Variants in SMARCA4 observed in about 807,000 individuals in gnomAD.
SMARCA4 encodes the protein SWI/SNF related BAF chromatin remodeling complex subunit ATPase 4, also known as SWI/SNF-related matrix-associated actin-dependent regulator of chromatin subfamily A member 4.
In SMARCA4, 31 loss-of-function variants were observed where a neutral mutation model predicts 193.9. The observed-to-expected ratio is 0.16, with a 90% CI of 0.12 to 0.22. The LOEUF is 0.22. Ranked by LOEUF, SMARCA4 falls within the 10% of genes least tolerant of loss-of-function variation. The pLI, the probability that SMARCA4 is intolerant of heterozygous loss-of-function variation, is 1.00. For synonymous variants in SMARCA4, 942 were observed against 933.1 expected (o/e 1.01, Z -0.17); for missense variants, 1,148 against 2,296.0 (o/e 0.50, Z 10.22).
At chr19:11,028,538 C>G (rs2090420588) in intron 24 of SMARCA4, among the ~76,000 whole-genome samples, 1 of 152,236 alleles carries the variant, frequency 6.6e-6, no homozygotes, top group Non-Finnish European at 1.5e-5. Context: ...AGGCCTGGAC[C>G]TGGAATCAGA....
rs2083756450 is a variant in SMARCA4 at position 10,961,071 on chromosome 19, G to C, written c.-135G>C. The C allele has an allele frequency of 6.7e-6, 1 of 149,340 alleles. No homozygotes were observed. 9.3% of individuals were successfully genotyped at this position (149,340 alleles called of 1,614,324 possible). A position where few individuals can be genotyped will look rare whatever the true frequency, so the allele number is the denominator to read the frequency against. ...CTTCCCCTCGTTTGGCGGCGGCGGC[G>C]GCTTCTTTGTTTCGTGAAGAGAAGC... is the stretch of plus-strand genomic sequence containing the variant. On this transcript the variant is annotated 5_prime_UTR_variant, in exon 1 of 35. Transcript: ENST00000344626.
intron 32 of SMARCA4, 133 bp from the exon 33 acceptor site, chr19:11,059,620 C>A: frequency 9.9e-7 from 1 of 1,013,872 alleles, no homozygotes; most frequent in Non-Finnish European, 1.5e-6. Context: ...AGCCCCGACC[C>A]GCTGAGGCTC....
intron 30 of SMARCA4, among the ~76,000 whole-genome samples, chr19:11,050,418 G>A (rs1185929585): frequency 2.6e-5 from 4 of 152,240 alleles, no homozygotes; most frequent in Admixed American, 1.3e-4. Context: ...CTCCACGTCT[G>A]CAGCACAGGG....
In SMARCA4 at chr19:11,033,084, C is replaced by T. The variant is rs753591520; in HGVS notation, c.3547-206C>T. 1.2e-5 allele frequency: 8 copies of T among 646,560 alleles called. No individual in the cohort carries two copies. The highest frequency in any genetic ancestry group is 6.6e-5 in the Admixed American group (3 of 45,742). The allele number at this position is 646,560 out of a possible 1,614,324, so 40.1% of individuals were successfully genotyped here. Reference sequence around the variant, plus strand: ...GTAGAAGGTGGCACTTCTGGAGGAACGTGATGAGAGTCCCCTTCCCCCGAG... The same window carrying T: ...GTAGAAGGTGGCACTTCTGGAGGAATGTGATGAGAGTCCCCTTCCCCCGAG... On this transcript the variant is annotated intron_variant, in intron 25 of 34. Coordinates refer to ENST00000344626, the MANE Select transcript of SMARCA4 (RefSeq NM_003072.5). The surrounding 1 kb of genome is among the most constrained non-coding windows in gnomAD (Gnocchi z 9.8).
At chr19:10,980,230 C>G (rs2145664674) in intron 1 of SMARCA4, among the ~76,000 whole-genome samples, 1 of 152,266 alleles carries the variant, frequency 6.6e-6, no homozygotes, top group Non-Finnish European at 1.5e-5. Context: ...TCCTGTTTCA[C>G]TGCAGCCTGA....
chr19:10,993,557 C>T (rs2086739200), intron 8 of SMARCA4, among the ~76,000 whole-genome samples: 1 of 152,188 alleles, frequency 6.6e-6, no homozygotes, highest in Non-Finnish European at 1.5e-5. Flanking sequence ...AGACATTTCA[C>T]ATCCGTGCCA....
intron 16 of SMARCA4, among the ~76,000 whole-genome samples, chr19:11,017,251 C>G (rs777005198): frequency 1.6e-4 from 25 of 152,174 alleles, no homozygotes; most frequent in Non-Finnish European, 2.8e-4. Flanking sequence ...CCGGTACCTC[C>G]GGGAAGCATC....
intron 30 of SMARCA4, among the ~76,000 whole-genome samples, chr19:11,043,680 A>G (rs554334449): frequency 6.6e-6 from 1 of 152,214 alleles, no homozygotes; most frequent in East Asian, 1.9e-4. Context: ...AATACAGAAT[A>G]CTTATTTAAA....
intron 30 of SMARCA4, among the ~76,000 whole-genome samples, chr19:11,054,290 A>C (rs1417863910): frequency 6.6e-6 from 1 of 152,216 alleles, no homozygotes; most frequent in Non-Finnish European, 1.5e-5. Flanking sequence ...GATGCCCGGC[A>C]GCGGGAACTG....
rs749831899 is a variant in SMARCA4, at chr19:11,033,895, A to G, written c.3873+30A>G. On this transcript the variant is annotated intron_variant, in intron 27 of 34. Transcript: ENST00000344626. This position sits in a 1 kb window ranked among gnomAD's most constrained non-coding sequence, Gnocchi z 9.8. ...GAGGGGTAGTTCAGTCTCCATGCCC[A>G]TTCAATCCTCGGCTTCTCGGCTGAG... 1.3e-6 allele frequency: 1 copy of G among 774,282 alleles called. No homozygotes were observed. Among genetic ancestry groups the G allele is most frequent in the South Asian group, 1.3e-5 (1 of 74,334 alleles). 48.0% of individuals were successfully genotyped at this position (774,282 alleles called of 1,614,324 possible).
At chr19:11,012,871 T>C (rs1427785474) in intron 15 of SMARCA4, 78 bp from the exon 16 acceptor site, 2 of 1,410,152 alleles carry the variant, frequency 1.4e-6, no homozygotes, top group African/African-American at 1.4e-5. Context: ...TGGCGGTGTC[T>C]TGACTCTCTG....
At chr19:11,005,179 A>T (rs570841381) in intron 13 of SMARCA4, among the ~76,000 whole-genome samples, 2 of 152,240 alleles carry the variant, frequency 1.3e-5, no homozygotes, top group South Asian at 2.1e-4. Flanking sequence ...GTTGAAGCGT[A>T]CTTTAGCTAC....
rs763383326 is a variant in SMARCA4 at position 10,985,269 on chromosome 19, G to T, written c.223-4G>T. 1.6e-5 allele frequency: 26 copies of T among 1,613,688 alleles called. No individual in the cohort carries two copies. The highest frequency in any genetic ancestry group is 1.8e-5 in the Non-Finnish European group (21 of 1,179,964). The stretch of plus-strand genomic sequence containing the variant: ...ACCCTGCCTTGCCATGGTCCCTCTC[G>T]CAGCCCATGGAGTCCATGCATGAGA... On this transcript the variant is annotated splice_polypyrimidine_tract_variant and splice_region_variant and intron_variant, in intron 2 of 34. Coordinates refer to ENST00000344626, the MANE Select transcript of SMARCA4 (RefSeq NM_003072.5). The surrounding 1 kb of genome is among the most constrained non-coding windows in gnomAD (Gnocchi z 4.5).
intron 13 of SMARCA4, among the ~76,000 whole-genome samples, chr19:11,006,894 G>A (rs1402747125): frequency 6.6e-6 from 1 of 151,928 alleles, no homozygotes; most frequent in Non-Finnish European, 1.5e-5. Flanking sequence ...AGACCAGCCT[G>A]GGCAACATAG....
chr19:11,048,068 C>T (rs1002169054), intron 30 of SMARCA4, among the ~76,000 whole-genome samples: 1 of 152,176 alleles, frequency 6.6e-6, no homozygotes, highest in African/African-American at 2.4e-5. Flanking sequence ...AGGTGGTGCT[C>T]ATGTCACTCG....
chr19:11,050,643 T>G (rs1391510772), intron 30 of SMARCA4, among the ~76,000 whole-genome samples: 1 of 152,226 alleles, frequency 6.6e-6, no homozygotes, highest in Non-Finnish European at 1.5e-5. Flanking sequence ...CCCTCCTGGC[T>G]CTTCAGAGTT....
At chr19:11,054,572 A>G (rs1299204301) in intron 30 of SMARCA4, among the ~76,000 whole-genome samples, 2 of 152,174 alleles carry the variant, frequency 1.3e-5, no homozygotes, top group African/African-American at 4.8e-5. Context: ...AGGTGGGTGG[A>G]TCAGGAGGTC....
intron 1 of SMARCA4, among the ~76,000 whole-genome samples, chr19:10,972,970 ATGGCG>A (rs2084800955): frequency 6.6e-6 from 1 of 152,176 alleles, no homozygotes; most frequent in Non-Finnish European, 1.5e-5. Flanking sequence ...TTAGCTGGGC[ATGGCG>A]GTGTGCGCCT....
At chr19:10,968,893 C>T (rs1475409264) in intron 1 of SMARCA4, among the ~76,000 whole-genome samples, 2 of 152,222 alleles carry the variant, frequency 1.3e-5, no homozygotes, top group African/African-American at 2.4e-5. Flanking sequence ...ACAGCCTGGA[C>T]TGGCTGGGCA....
Sources: gnomAD v4.1 joint callset for allele counts (sites outside exome capture counted in the v4.1 genomes callset) on GRCh38, gnomAD v4.1.1 for gene constraint, Gnocchi (gnomAD v3.1) non-coding constraint, MANE v1.5 for transcripts, NCBI Gene and HGNC (gene_info 2026-07-23, HGNC 2026-07-21) for gene names.